The following IL16 variants were observed in gnomAD, a reference collection of about 807,000 sequenced individuals.
The protein encoded by IL16 is pro-interleukin-16.
In IL16, 67 loss-of-function variants were observed where a neutral mutation model predicts 110.1. The observed-to-expected ratio is 0.61, with a 90% CI of 0.50 to 0.75. The LOEUF (loss-of-function observed/expected upper bound fraction) is 0.75, where lower values mean the gene tolerates loss of function less well. Ranked by LOEUF, IL16 falls within the 30% of genes least tolerant of loss-of-function variation. IL16 has a pLI of 0.00. For missense variants in IL16, 1,545 were observed against 1,655.0 expected (o/e 0.93, Z 1.15); for synonymous variants, 689 against 662.9 (o/e 1.04, Z -0.61).
intron 2 of IL16, among the ~76,000 whole-genome samples, chr15:81,232,330 T>G (rs1897036587): frequency 6.6e-6 from 1 of 152,166 alleles, no homozygotes; most frequent in African/African-American, 2.4e-5. Context: ...TTTTTATACT[T>G]TTTTCCCCTT....
chr15:81,284,322 A>G (rs1899340620), intron 9 of IL16, among the ~76,000 whole-genome samples: 1 of 152,202 alleles, frequency 6.6e-6, no homozygotes, highest in South Asian at 2.1e-4. Context: ...CAGTGTATGG[A>G]AAAGCCATCC....
intron 1 of IL16, among the ~76,000 whole-genome samples, chr15:81,217,009 A>C (rs1042265089): frequency 6.6e-6 from 1 of 151,382 alleles, no homozygotes; most frequent in Non-Finnish European, 1.5e-5. Context: ...CTAAATATTC[A>C]ATTCTTGAAG....
chr15:81,239,396 A>T (rs970345989), intron 2 of IL16, among the ~76,000 whole-genome samples: 9 of 152,272 alleles, frequency 5.9e-5, no homozygotes, highest in Non-Finnish European at 1.0e-4. Context: ...GTCTTGCTCA[A>T]TCCCTGCAGT....
intron 1 of IL16, among the ~76,000 whole-genome samples, chr15:81,210,850 A>G (rs1381394456): frequency 6.6e-6 from 1 of 152,074 alleles, no homozygotes; most frequent in African/African-American, 2.4e-5. Flanking sequence ...CTTTTGCCTG[A>G]TTGCTCTGGC....
rs752514145 is a variant in IL16, at chr15:81,282,694, C to G, written c.1137C>G (p.Ile379Met). 3 of 1,614,178 alleles carry G rather than the reference C, an allele frequency of 1.9e-6. No individual in the cohort carries two copies. The highest frequency in any genetic ancestry group is 2.2e-5 in the South Asian group (2 of 91,088). ...GCAGCGTTCCCTACTTCCAATGCAT[C>G]TCTGGCATTTTCGTCCACACGCTGT... is the stretch of plus-strand genomic sequence containing the variant. Reference protein sequence around the residue: ...GLCSVPYFQCISGIFVHTLSP... With the variant: ...GLCSVPYFQCMSGIFVHTLSP... The change falls in exon 9 of 19, where the codon ATC (isoleucine) becomes ATG (methionine). Residue 379 changes from isoleucine to methionine, a missense_variant. Physicochemically the swap from Ile to Met is conservative, Grantham distance 10. This residue lies in a region of IL16 where 1,185 missense variants were observed against 1,238.8 expected (regional missense o/e 0.96). Transcript: ENST00000683961.
rs866221842 is a variant in IL16, at chr15:81,250,480, G to A, written c.313-9292G>A. Among the ~76,000 whole-genome samples the A allele has an allele frequency of 3.9e-5, 6 of 152,234 alleles. 1 individual carries two copies. In the Middle Eastern group the frequency reaches 0.017, roughly 432 times the overall value. ...GTGGGAGCCACCACACTTGACCTAG[G>A]ACCTTGTTTCAATGTGTGTTTTATC... On this transcript the variant is annotated intron_variant, in intron 2 of 18. Transcript: ENST00000683961.
At chr15:81,295,043 C>G (rs1899919073) in intron 12 of IL16, among the ~76,000 whole-genome samples, 1 of 152,144 alleles carries the variant, frequency 6.6e-6, no homozygotes, top group Non-Finnish European at 1.5e-5. Context: ...CCAATATGAA[C>G]TTTGGGATAT....
At chr15:81,276,482 A>G (rs1898915841) in intron 6 of IL16, among the ~76,000 whole-genome samples, 1 of 152,216 alleles carries the variant, frequency 6.6e-6, no homozygotes, top group Non-Finnish European at 1.5e-5. Context: ...CCTTGGGTCC[A>G]TGTGAGGCTC....
At chr15:81,300,528 CATCTTT>C (rs1900229564) in intron 14 of IL16, 53 bp downstream of exon 14, 1 of 1,197,778 alleles carries the variant, frequency 8.3e-7, no homozygotes, top group African/African-American at 1.6e-5. Flanking sequence ...TTTTCTTTCT[CATCTTT>C]ATTTTTAAAA....
intron 10 of IL16, among the ~76,000 whole-genome samples, chr15:81,288,704 T>C (rs1436856020): frequency 6.6e-6 from 1 of 152,218 alleles, no homozygotes; most frequent in Admixed American, 6.5e-5. Context: ...AGTGGAATCA[T>C]ATAAAATGGG....
rs377149530 is a variant in IL16, at chr15:81,306,574, C to T, written c.3805+29C>T. On this transcript the variant is annotated intron_variant, in intron 18 of 18. Coordinates refer to ENST00000683961, the MANE Select transcript of IL16 (RefSeq NM_172217.5). The stretch of plus-strand genomic sequence containing the variant: ...TGGGGTGTGTCTGGTTCTTTGCGTG[C>T]TCTCCAGTTGTGGGCATGTGGCCAG... 107 of 1,608,048 alleles carry T rather than the reference C, an allele frequency of 6.7e-5. 1 individual carries two copies. In the African/African-American group the frequency reaches 1.3e-3, roughly 19 times the overall value.
chr15:81,303,434 T>TG lies in IL16; in HGVS notation c.3319-113dup. 1.4e-6 allele frequency: 1 copy of TG among 700,932 alleles called. No individual in the cohort carries two copies. The highest frequency in any genetic ancestry group is 1.7e-5 in the South Asian group (1 of 58,710). 43.4% of individuals were successfully genotyped at this position (700,932 alleles called of 1,614,324 possible). A position where few individuals can be genotyped will look rare whatever the true frequency, so the allele number is the denominator to read the frequency against. On this transcript the variant is annotated intron_variant, in intron 15 of 18. Coordinates refer to ENST00000683961, the MANE Select transcript of IL16 (RefSeq NM_172217.5). This position sits in a 1 kb window ranked among gnomAD's most constrained non-coding sequence, Gnocchi z 4.1. ...TGAGGTTTGAGGAGGTGATGTAACT[T>TG]GGAGGCTGGCCAAGCTGGGGTTTGA...
intron 2 of IL16, among the ~76,000 whole-genome samples, chr15:81,241,171 G>C (rs1595983950): frequency 6.6e-6 from 1 of 151,880 alleles, no homozygotes; most frequent in Non-Finnish European, 1.5e-5. Flanking sequence ...TTTAAGATTT[G>C]TATGCCAATA....
intron 4 of IL16, 106 bp from the exon 5 acceptor site, chr15:81,269,432 A>G: frequency 1.3e-6 from 1 of 758,148 alleles, no homozygotes; most frequent in Admixed American, 1.9e-5. Flanking sequence ...CTTAGGAGAA[A>G]GAGGACTTGG....
In IL16 at chr15:81,296,913, C is replaced by T. The variant is rs780705824; in HGVS notation, c.1903-15C>T. 1.3e-6 allele frequency: 2 copies of T among 1,588,184 alleles called. No homozygotes were observed. Among genetic ancestry groups the T allele is most frequent in the Admixed American group, 1.8e-5 (1 of 55,764 alleles). ...TACCGTTTTGACATGGTCTCGCTTC[C>T]TGTTTACACCACAGGAAGCGAGAGA... On this transcript the variant is annotated splice_polypyrimidine_tract_variant and intron_variant, in intron 12 of 18. Transcript: ENST00000683961.
At chr15:81,215,962 G>A (rs938711188) in intron 1 of IL16, among the ~76,000 whole-genome samples, 2 of 152,230 alleles carry the variant, frequency 1.3e-5, no homozygotes, top group Non-Finnish European at 2.9e-5. Context: ...CGCTCAGGCT[G>A]GGCCAAGGAG....
In IL16 at chr15:81,299,481, G is replaced by A. The variant is rs1900153436; in HGVS notation, c.2155G>A (p.Asp719Asn). Reference protein sequence around the residue: ...TAEDPWVRISDCIKNLFSPIM... With the variant: ...TAEDPWVRISNCIKNLFSPIM... The stretch of plus-strand genomic sequence containing the variant: ...CGAAGACCCTTGGGTTAGGATTTCT[G>A]ACTGCATCAAAAACTTATTTAGCCC... The change falls in exon 14 of 19, where the codon GAC (aspartate) becomes AAC (asparagine). Residue 719 changes from aspartate to asparagine, a missense_variant. By Grantham distance (23) the Asp-to-Asn change is conservative (BLOSUM62 1). Transcript: ENST00000683961. 1 of 1,614,040 alleles carries A rather than the reference G, an allele frequency of 6.2e-7. No individual in the cohort carries two copies. Among genetic ancestry groups the A allele is most frequent in the African/African-American group, 1.3e-5 (1 of 74,922 alleles).
At chr15:81,190,070 C>G (rs745818892) in intron 1 of IL16, among the ~76,000 whole-genome samples, 2 of 152,188 alleles carry the variant, frequency 1.3e-5, no homozygotes, top group African/African-American at 4.8e-5. Flanking sequence ...CAGGGCATCT[C>G]GGACATTCTG....
chr15:81,211,643 C>A (rs1453799079), intron 1 of IL16, among the ~76,000 whole-genome samples: 3 of 152,152 alleles, frequency 2.0e-5, no homozygotes, highest in African/African-American at 7.2e-5. Context: ...CGCTCTTGGC[C>A]TCCCAAAGTG....
Sources: gnomAD v4.1 joint callset for allele counts (sites outside exome capture counted in the v4.1 genomes callset) on GRCh38, gnomAD v4.1.1 for gene constraint, gnomAD v4.1.1 regional missense constraint, Gnocchi (gnomAD v3.1) non-coding constraint, MANE v1.5 for transcripts, NCBI Gene and HGNC (gene_info 2026-07-23, HGNC 2026-07-21) for gene names.